SULT4A1: variants seen among roughly 807,000 people sequenced by gnomAD.
The protein encoded by SULT4A1 is sulfotransferase 4A1.
SULT4A1 carries 11 observed loss-of-function variants against 35.2 expected under a neutral mutation model. That is an observed-to-expected ratio of 0.31 (90% CI 0.20 to 0.52). The LOEUF (loss-of-function observed/expected upper bound fraction) is 0.52, where lower values mean the gene tolerates loss of function less well. SULT4A1 is among the 20% of genes least tolerant of loss of function. SULT4A1 has a pLI of 0.97. For missense variants in SULT4A1, 271 were observed against 383.7 expected (o/e 0.71, Z 2.45); for synonymous variants, 152 against 151.8 (o/e 1.00, Z -0.01).
chr22:43,860,705 A>C (rs1200137219), intron 1 of SULT4A1, among the ~76,000 whole-genome samples: 1 of 152,210 alleles, frequency 6.6e-6, no homozygotes, highest in Non-Finnish European at 1.5e-5. Context: ...GGCTACCAGA[A>C]GTCCACTTGG....
rs564929270 is a variant in SULT4A1, at chr22:43,862,196, G to A, written c.169+18C>T. The stretch of plus-strand genomic sequence containing the variant: ...GGCTGGGGCATGGCGTGGCGGGCGC[G>A]GTCGGCGCGGGGCTCACCGGACTTG... On this transcript the variant is annotated intron_variant, in intron 1 of 6. Coordinates refer to ENST00000330884, the MANE Select transcript of SULT4A1 (RefSeq NM_014351.4). 85 of 1,498,302 alleles carry A rather than the reference G, an allele frequency of 5.7e-5. No homozygotes were observed. The African/African-American group carries it at 1.2e-3, about 21-fold the overall frequency. The allele number at this position is 1,498,302 out of a possible 1,614,324, so 92.8% of individuals were successfully genotyped here. A position where few individuals can be genotyped will look rare whatever the true frequency, so the allele number is the denominator to read the frequency against.
At chr22:43,832,067 C>T (rs1204213710) in intron 5 of SULT4A1, among the ~76,000 whole-genome samples, 5 of 152,222 alleles carry the variant, frequency 3.3e-5, no homozygotes, top group Admixed American at 6.5e-5. Context: ...CAGCCAGCAT[C>T]CAGAGCCCAC....
intron 5 of SULT4A1, among the ~76,000 whole-genome samples, chr22:43,832,462 G>A (rs988540152): frequency 3.3e-5 from 5 of 152,138 alleles, no homozygotes; most frequent in East Asian, 1.9e-4. Context: ...GAAAGGCCAC[G>A]CTCCTGCGAA....
At chr22:43,852,109 A>G (rs896981969) in intron 1 of SULT4A1, among the ~76,000 whole-genome samples, 2 of 152,136 alleles carry the variant, frequency 1.3e-5, no homozygotes, top group African/African-American at 4.8e-5. Flanking sequence ...ACAGCCCCCT[A>G]CAGGGTTCTG....
chr22:43,828,632 A>G (rs572244348), intron 6 of SULT4A1, among the ~76,000 whole-genome samples: 61 of 152,346 alleles, frequency 4.0e-4, no homozygotes, highest in African/African-American at 1.4e-3. Flanking sequence ...CGCCCACTTC[A>G]TTTAACTCTC....
intron 6 of SULT4A1, chr22:43,827,111 A>G: frequency 1.0e-6 from 1 of 985,482 alleles, no homozygotes; most frequent in Non-Finnish European, 1.2e-6. Context: ...CTTCCCAGTT[A>G]TGGGAGCTGT....
At chr22:43,855,121 A>G (rs1324497624) in intron 1 of SULT4A1, among the ~76,000 whole-genome samples, 2 of 152,174 alleles carry the variant, frequency 1.3e-5, no homozygotes, top group African/African-American at 4.8e-5. Flanking sequence ...GGACAGTCAC[A>G]GTGGACGAGG....
At position 43,862,354 on chromosome 22, in the gene SULT4A1, CT is replaced by C; in HGVS notation, c.28del (p.Ser10AlafsTer59). 1 of 1,503,990 alleles carries C rather than the reference CT, an allele frequency of 6.6e-7. No individual in the cohort carries two copies. The allele number at this position is 1,503,990 out of a possible 1,614,324, so 93.2% of individuals were successfully genotyped here. MAESEAETP[S>X]TPGEFESKYF... Reference sequence around the variant, plus strand: ...CTTGCTCTCGAACTCCCCCGGGGTGCTGGGGGTCTCGGCCTCGCTCTCCGCC... The same window carrying C: ...CTTGCTCTCGAACTCCCCCGGGGTGCGGGGGTCTCGGCCTCGCTCTCCGCC... On this transcript the variant is annotated frameshift_variant, in exon 1 of 7. Transcript: ENST00000330884.
intron 1 of SULT4A1, among the ~76,000 whole-genome samples, chr22:43,850,964 G>C (rs957423769): frequency 6.6e-6 from 1 of 151,914 alleles, no homozygotes; most frequent in Non-Finnish European, 1.5e-5. Context: ...AAGGGTTGGG[G>C]GTGTCTTTTA....
chr22:43,862,257 CG>C lies in SULT4A1; in HGVS notation c.125del (p.Pro42ArgfsTer27). On this transcript the variant is annotated frameshift_variant, in exon 1 of 7. Coordinates refer to ENST00000330884, the MANE Select transcript of SULT4A1 (RefSeq NM_014351.4). ...CGATCCACACGTCGCTGGGCCGCAC[CG>C]GGAAGTTGGCGATCTCCTCCATCTT... ...RGKMEEIANF[P>X]VRPSDVWIVT... 1 of 1,569,710 alleles carries C rather than the reference CG, an allele frequency of 6.4e-7. No homozygotes were observed. Among genetic ancestry groups the C allele is most frequent in the East Asian group, 2.5e-5 (1 of 40,128 alleles).
At chr22:43,862,147 G>A in intron 1 of SULT4A1, 67 bp downstream of exon 1, 3 of 1,257,720 alleles carry the variant, frequency 2.4e-6, no homozygotes, top group Non-Finnish European at 3.0e-6. Flanking sequence ...GCGCGGGCGC[G>A]GCGTCTACGC....
chr22:43,860,535 T>C (rs1353321273), intron 1 of SULT4A1, among the ~76,000 whole-genome samples: 2 of 152,176 alleles, frequency 1.3e-5, no homozygotes, highest in East Asian at 3.9e-4. Context: ...AATGGGATTC[T>C]ATGATCTGCC....
At chr22:43,861,325 T>C (rs2049466020) in intron 1 of SULT4A1, among the ~76,000 whole-genome samples, 1 of 152,186 alleles carries the variant, frequency 6.6e-6, no homozygotes, top group Admixed American at 6.5e-5. Context: ...CACGCTGTGA[T>C]TGCCTCAAAT....
Position 43,851,905 on chromosome 22 carries a change from T to C in SULT4A1, c.170-9973A>G, listed in dbSNP as rs73891411. On this transcript the variant is annotated intron_variant, in intron 1 of 6. Transcript: ENST00000330884. ...GTTCCCACCTGGCCACCCTCACGACTGCGGCATTCAGGCTCCCCGCCTGCC... is the reference window on the plus strand; with the variant it reads ...GTTCCCACCTGGCCACCCTCACGACCGCGGCATTCAGGCTCCCCGCCTGCC... 3.7e-3 allele frequency among the ~76,000 whole-genome samples: 570 copies of C among 152,288 alleles called. 2 individuals carry two copies. The highest frequency in any genetic ancestry group is 0.013 in the African/African-American group (546 of 41,562).
intron 1 of SULT4A1, among the ~76,000 whole-genome samples, chr22:43,844,600 C>T (rs1199144992): frequency 6.6e-6 from 1 of 152,222 alleles, no homozygotes; most frequent in East Asian, 1.9e-4. Context: ...GGCATTCAAT[C>T]ATTTACTGAG....
chr22:43,839,107 C>T (rs1234704517), intron 3 of SULT4A1, 114 bp from the exon 4 acceptor site: 3 of 1,405,596 alleles, frequency 2.1e-6, no homozygotes, highest in Non-Finnish European at 2.9e-6. Flanking sequence ...CCAACACCTG[C>T]TTCCAGCGTC....
intron 1 of SULT4A1, among the ~76,000 whole-genome samples, chr22:43,856,031 G>A (rs1397367915): frequency 6.6e-6 from 1 of 152,210 alleles, no homozygotes; most frequent in East Asian, 1.9e-4. Context: ...AGCCAGAGAA[G>A]CCAGAGAATC....
Position 43,829,040 on chromosome 22 carries a change from A to G in SULT4A1, c.742+20T>C. 1 of 1,505,912 alleles carries G rather than the reference A, an allele frequency of 6.6e-7. No homozygotes were observed. The highest frequency in any genetic ancestry group is 2.6e-5 in the East Asian group (1 of 38,740). The allele number at this position is 1,505,912 out of a possible 1,614,324, so 93.3% of individuals were successfully genotyped here. A position where few individuals can be genotyped will look rare whatever the true frequency, so the allele number is the denominator to read the frequency against. On this transcript the variant is annotated intron_variant, in intron 6 of 6. Transcript: ENST00000330884. ...CTGGGGTGGGGAGTGCCTGGGCGGG[A>G]GGCAGGGTGGGGCACGTACCCCGGC...
chr22:43,827,288 C>A (rs2063293957), intron 6 of SULT4A1: 3 of 985,444 alleles, frequency 3.0e-6, no homozygotes, highest in Non-Finnish European at 3.6e-6. Flanking sequence ...GTTTTTCAAA[C>A]TGCAACCCTG....
Sources: allele counts gnomAD v4.1 joint callset (sites outside exome capture counted in the v4.1 genomes callset), GRCh38; gene constraint gnomAD v4.1.1; transcripts MANE v1.5; gene names NCBI Gene and HGNC (gene_info 2026-07-23, HGNC 2026-07-21).